Variants in ZNF343 observed in about 807,000 individuals in gnomAD.
The protein encoded by ZNF343 is zinc finger protein 343.
A neutral mutation model predicts 13.8 loss-of-function variants in ZNF343; 11 were observed. The observed-to-expected ratio is 0.80, with a 90% CI of 0.50 to 1.32. ZNF343 has a LOEUF of 1.32. ZNF343 is among the 40% of genes most tolerant of loss of function. The pLI is 0.00. For missense variants in ZNF343, 658 were observed against 714.2 expected (o/e 0.92, Z 0.90); for synonymous variants, 248 against 260.0 (o/e 0.95, Z 0.44).
chr20:2,507,962 C>T lies in ZNF343; in HGVS notation c.-237+919G>A, dbSNP rs937276236. ...TCACAGCCCCAAACCAGATGTTTGG[C>T]CCTAACATGTGAGGGAAAAGCAGTC... is the stretch of plus-strand genomic sequence containing the variant. On this transcript the variant is annotated intron_variant, in intron 1 of 5. Coordinates refer to ENST00000278772, the MANE Select transcript of ZNF343 (RefSeq NM_024325.6). 1.2e-4 allele frequency among the ~76,000 whole-genome samples: 19 copies of T among 152,228 alleles called. 2 individuals carry two copies. The highest frequency in any genetic ancestry group is 8.5e-4 in the Admixed American group (13 of 15,294).
intron 5 of ZNF343, among the ~76,000 whole-genome samples, chr20:2,490,501 G>C (rs1051657348): frequency 3.3e-5 from 5 of 150,758 alleles, no homozygotes; most frequent in African/African-American, 1.2e-4. Flanking sequence ...GTGTGTGTTT[G>C]TTTGTTTGTT....
intron 2 of ZNF343, among the ~76,000 whole-genome samples, chr20:2,494,597 C>T (rs1012086498): frequency 2.0e-5 from 3 of 151,862 alleles, no homozygotes; most frequent in Non-Finnish European, 2.9e-5. Context: ...AGCGAAATGC[C>T]GTCTCTACAA....
chr20:2,519,467 G>A (rs1366354730), intron 1 of ZNF343, among the ~76,000 whole-genome samples: 6 of 152,202 alleles, frequency 3.9e-5, no homozygotes. Context: ...TGAACAAGAG[G>A]AAATTCTTCA....
intron 1 of ZNF343, among the ~76,000 whole-genome samples, chr20:2,521,601 A>G (rs2085782756): frequency 6.6e-6 from 1 of 152,212 alleles, no homozygotes. Flanking sequence ...CTGAGGCAAG[A>G]GATGACTTCT....
Position 2,483,749 on chromosome 20 carries a change from T to C in ZNF343, c.1212A>G (p.Ser404=), listed in dbSNP as rs1729383194. Residue 404 remains serine, a synonymous_variant, in exon 6 of 6, where the codon TCA becomes TCG. Coordinates refer to ENST00000278772, the MANE Select transcript of ZNF343 (RefSeq NM_024325.6). ...CCCTGCAAACATAAGGCTTCTCCCCTGAGTGTATCCTCTGGTGTTTTCTGA... is the reference window on the plus strand; with the variant it reads ...CCCTGCAAACATAAGGCTTCTCCCCCGAGTGTATCCTCTGGTGTTTTCTGA... ...STLRKHQRIH[S]GEKPYVCREC... The C allele has an allele frequency of 6.2e-7, 1 of 1,613,502 alleles. No individual in the cohort carries two copies. The highest frequency in any genetic ancestry group is 8.5e-7 in the Non-Finnish European group (1 of 1,179,908).
rs368481006 is a variant in ZNF343 at position 2,483,912 on chromosome 20, T to G, written c.1049A>C (p.Glu350Ala). The part of the protein sequence containing the change: ...LNRHQWTHSE[E>A]KPYVCSECGR... ...ACACTCGCTGCAAACATAGGGCTTC[T>G]CCTCTGAGTGAGTCCACTGATGTCT... The change falls in exon 6 of 6, where the codon GAG becomes GCG. Residue 350 changes from glutamate to alanine, a missense_variant. Transcript: ENST00000278772. The G allele has an allele frequency of 8.7e-6, 14 of 1,614,212 alleles. No homozygotes were observed. Among genetic ancestry groups the G allele is most frequent in the Non-Finnish European group, 1.2e-5 (14 of 1,180,040 alleles).
In ZNF343 at chr20:2,493,558, A is replaced by G. The variant is rs1054762152; in HGVS notation, c.138T>C (p.Thr46=). The change falls in exon 4 of 6, where the codon ACT becomes ACC. Residue 46 remains threonine, a synonymous_variant. Transcript: ENST00000278772. ...TTCCCTCCTTTTTCTGGGGGCAGTCAGTATCATTAGAAGGCAAGCCTAGGG... is the reference window on the plus strand; with the variant it reads ...TTCCCTCCTTTTTCTGGGGGCAGTCGGTATCATTAGAAGGCAAGCCTAGGG... ...HKAKGLPSND[T]DCPQKKEGKA... 1 of 1,613,584 alleles carries G rather than the reference A, an allele frequency of 6.2e-7. No individual in the cohort carries two copies. The highest frequency in any genetic ancestry group is 1.7e-5 in the Admixed American group (1 of 59,976).
At chr20:2,496,005 G>C (rs572173097) in intron 2 of ZNF343, among the ~76,000 whole-genome samples, 1 of 152,174 alleles carries the variant, frequency 6.6e-6, no homozygotes, top group Admixed American at 6.5e-5. Flanking sequence ...CCAACATTTG[G>C]GACACTGCCA....
intron 5 of ZNF343, among the ~76,000 whole-genome samples, chr20:2,490,495 G>GTGTT (rs371589130): frequency 5.3e-5 from 8 of 151,656 alleles, no homozygotes; most frequent in Middle Eastern, 3.4e-3. Flanking sequence ...GTTTGTGTGT[G>GTGTT]TGTTTGTTTG....
At chr20:2,495,502 T>C (rs904632123) in intron 2 of ZNF343, 1 of 152,176 alleles carries the variant, frequency 6.6e-6, no homozygotes. Flanking sequence ...GAACAGCATG[T>C]CCGAAGAGGG....
rs1335160324 is a variant in ZNF343 at position 2,518,845 on chromosome 20, A to G, written c.-347+5610T>C. Among the ~76,000 whole-genome samples, 1 of 152,148 alleles carries G rather than the reference A, an allele frequency of 6.6e-6. No individual in the cohort carries two copies. Among genetic ancestry groups the G allele is most frequent in the Non-Finnish European group, 1.5e-5 (1 of 68,016 alleles). On this transcript the variant is annotated intron_variant, in intron 1 of 6. Coordinates refer to the ZNF343 transcript ENST00000358413. This position sits in a 1 kb window ranked among gnomAD's most constrained non-coding sequence, Gnocchi z 4.6. ...AATTGTAATCCCCACATGTCAGGGG[A>G]GGGACCTGGTGGAAGGCGATTGGCT...
intron 1 of ZNF343, among the ~76,000 whole-genome samples, chr20:2,501,466 G>A (rs2085565212): frequency 6.6e-6 from 1 of 152,154 alleles, no homozygotes; most frequent in Non-Finnish European, 1.5e-5. Context: ...AGAGAGTATT[G>A]GTTCTCCCAG....
intron 2 of ZNF343, among the ~76,000 whole-genome samples, chr20:2,494,664 C>T (rs1245824118): frequency 6.6e-6 from 1 of 151,798 alleles, no homozygotes; most frequent in African/African-American, 2.4e-5. Flanking sequence ...AGCTACTCAG[C>T]AGGCTGAGGT....
intron 1 of ZNF343, among the ~76,000 whole-genome samples, chr20:2,515,811 T>A (rs2085756804): frequency 6.6e-6 from 1 of 152,128 alleles, no homozygotes; most frequent in South Asian, 2.1e-4. Context: ...AGGTTCAACA[T>A]GAGAGTGAGA....
At chr20:2,506,198 C>T (rs1310443988) in intron 1 of ZNF343, among the ~76,000 whole-genome samples, 2 of 152,116 alleles carry the variant, frequency 1.3e-5, no homozygotes, top group African/African-American at 4.8e-5. Context: ...GAAAAAATGC[C>T]CATCATCACT....
upstream of ZNF343, among the ~76,000 whole-genome samples, chr20:2,513,003 G>C (rs2085744995): frequency 6.6e-6 from 1 of 151,928 alleles, no homozygotes; most frequent in Non-Finnish European, 1.5e-5. Context: ...GGGAGGCTGA[G>C]CTGGGAGGAT....
rs535890052 is a variant in ZNF343 at position 2,491,318 on chromosome 20, C to G, written c.304+1381G>C. 1.0e-3 allele frequency among the ~76,000 whole-genome samples: 158 copies of G among 152,198 alleles called. 2 individuals carry two copies. The highest frequency in any genetic ancestry group is 3.6e-3 in the African/African-American group (150 of 41,530). ...TAATTAATAAGTTTTATGTTAATTTCATGTTAAAATGATATTTTAATATAT... is the reference window on the plus strand; with the variant it reads ...TAATTAATAAGTTTTATGTTAATTTGATGTTAAAATGATATTTTAATATAT... On this transcript the variant is annotated intron_variant, in intron 5 of 5. Coordinates refer to ENST00000278772, the MANE Select transcript of ZNF343 (RefSeq NM_024325.6).
chr20:2,501,624 A>G (rs2085568257), intron 1 of ZNF343, among the ~76,000 whole-genome samples: 1 of 152,194 alleles, frequency 6.6e-6, no homozygotes, highest in Non-Finnish European at 1.5e-5. Context: ...CTTCCAGAGG[A>G]ACGATCAGGC....
chr20:2,485,106 G>A (rs2085262131), intron 5 of ZNF343, among the ~76,000 whole-genome samples: 1 of 152,122 alleles, frequency 6.6e-6, no homozygotes, highest in African/African-American at 2.4e-5. Context: ...AGGAGAAAGT[G>A]TATGGAATAC....
Sources: gnomAD v4.1 joint callset for allele counts (sites outside exome capture counted in the v4.1 genomes callset) on GRCh38, gnomAD v4.1.1 for gene constraint, Gnocchi (gnomAD v3.1) non-coding constraint, MANE v1.5 for transcripts, NCBI Gene and HGNC (gene_info 2026-07-23, HGNC 2026-07-21) for gene names.